The following MATN2 variants were observed in gnomAD, a reference collection of about 807,000 sequenced individuals.
MATN2 encodes matrilin-2.
MATN2 carries 69 observed loss-of-function variants against 103.2 expected under a neutral mutation model. That is an observed-to-expected ratio of 0.67 (90% CI 0.55 to 0.82). MATN2 has a LOEUF of 0.82. MATN2 is among the 40% of genes least tolerant of loss of function. MATN2 has a pLI of 0.00. For missense variants in MATN2, 1,023 were observed against 1,211.5 expected (o/e 0.84, Z 2.31); for synonymous variants, 429 against 450.2 (o/e 0.95, Z 0.60).
intron 2 of MATN2, among the ~76,000 whole-genome samples, chr8:97,907,574 G>C (rs1471788909): frequency 6.6e-6 from 1 of 151,124 alleles, no homozygotes. Flanking sequence ...CACCCGCCTC[G>C]GCCTCCCAAA....
At chr8:97,981,530 C>T (rs914198305) in intron 6 of MATN2, among the ~76,000 whole-genome samples, 2 of 151,828 alleles carry the variant, frequency 1.3e-5, no homozygotes, top group African/African-American at 4.9e-5. Flanking sequence ...GCCATAGCCA[C>T]ACTGAGTAGC....
chr8:98,009,782 G>A (rs2130395559), intron 10 of MATN2, among the ~76,000 whole-genome samples: 1 of 152,308 alleles, frequency 6.6e-6, no homozygotes, highest in South Asian at 2.1e-4. Context: ...CTGCAGCTGC[G>A]CAGACTCCTT....
intron 4 of MATN2, among the ~76,000 whole-genome samples, chr8:97,954,144 C>A (rs1048688169): frequency 6.6e-6 from 1 of 152,062 alleles, no homozygotes; most frequent in East Asian, 1.9e-4. Flanking sequence ...GCTCCAAAGT[C>A]GATATTCTTT....
intron 1 of MATN2, chr8:97,887,823 G>A: frequency 3.7e-6 from 1 of 271,212 alleles, no homozygotes; most frequent in Non-Finnish European, 6.8e-6. Context: ...TTTTTCTCAA[G>A]TTTTCCATTC....
chr8:98,032,318 G>A lies in MATN2; in HGVS notation c.2581+1G>A. 6.2e-7 allele frequency: 1 copy of A among 1,607,840 alleles called. No homozygotes were observed. Among genetic ancestry groups the A allele is most frequent in the Admixed American group, 1.7e-5 (1 of 59,034 alleles). On this transcript the variant is annotated splice_donor_variant, in intron 16 of 18. Coordinates refer to ENST00000254898, the MANE Select transcript of MATN2 (RefSeq NM_002380.5). LOFTEE classifies it high-confidence loss of function. Reference sequence around the variant, plus strand: ...CCAAAAACGGTCCAACAGCCAACAGGTACAGTTTTTAAGGCAGTGTTTTTA... The same window carrying A: ...CCAAAAACGGTCCAACAGCCAACAGATACAGTTTTTAAGGCAGTGTTTTTA...
intron 5 of MATN2, among the ~76,000 whole-genome samples, chr8:97,962,272 A>G (rs577668317): frequency 6.6e-6 from 1 of 152,366 alleles, no homozygotes; most frequent in Admixed American, 6.5e-5. Context: ...ACTGACATCA[A>G]AACTGGAATG....
In MATN2 at chr8:97,941,888, C is replaced by A. The variant is rs562944193; in HGVS notation, c.824C>A (p.Thr275Lys). 1.9e-6 allele frequency: 3 copies of A among 1,612,952 alleles called. No homozygotes were observed. Among genetic ancestry groups the A allele is most frequent in the Admixed American group, 3.3e-5 (2 of 59,966 alleles). ...GGCTACATTCTCAACTCGGATCAGA[C>A]GACTTGCAGAAGTAAGATTGCTTTG... The part of the protein sequence containing the change: ...KQGYILNSDQ[T>K]TCRIQDLCAM... Residue 275 changes from threonine to lysine, a missense_variant, in exon 4 of 19, where the codon ACG becomes AAG. Transcript: ENST00000254898.
At chr8:98,003,814 G>A (rs1812866785) in intron 8 of MATN2, 31 bp downstream of exon 8, 3 of 1,612,772 alleles carry the variant, frequency 1.9e-6, no homozygotes, top group Admixed American at 1.7e-5. Flanking sequence ...GGGTGCTGAT[G>A]GAAGGTGGGG....
intron 1 of MATN2, among the ~76,000 whole-genome samples, chr8:97,885,116 G>A (rs1818382266): frequency 6.6e-6 from 1 of 152,206 alleles, no homozygotes; most frequent in South Asian, 2.1e-4. Context: ...ATGCAATGAT[G>A]TTTGTTTTTT....
chr8:98,035,017 G>A (rs984902647), intron 18 of MATN2, among the ~76,000 whole-genome samples: 5 of 151,466 alleles, frequency 3.3e-5, no homozygotes, highest in Non-Finnish European at 7.4e-5. Flanking sequence ...TTAGGAGTTC[G>A]AGATCAGCCT....
intron 5 of MATN2, among the ~76,000 whole-genome samples, chr8:97,971,025 TAGGG>T: frequency 6.6e-6 from 1 of 152,000 alleles, no homozygotes. Flanking sequence ...AAACAGGAAT[TAGGG>T]AGGAGTATGG....
intron 6 of MATN2, among the ~76,000 whole-genome samples, chr8:97,986,936 C>A (rs1054758570): frequency 6.6e-6 from 1 of 152,034 alleles, no homozygotes; most frequent in Non-Finnish European, 1.5e-5. Context: ...GGGTTCACGC[C>A]ATTCTCCTGC....
intron 10 of MATN2, among the ~76,000 whole-genome samples, chr8:98,008,145 C>T (rs1813036447): frequency 6.6e-6 from 1 of 151,988 alleles, no homozygotes; most frequent in Non-Finnish European, 1.5e-5. Flanking sequence ...CTTTCTGACC[C>T]CGGTGATCTC....
intron 2 of MATN2, among the ~76,000 whole-genome samples, chr8:97,924,426 C>T (rs1318620025): frequency 3.9e-5 from 6 of 152,128 alleles, no homozygotes; most frequent in East Asian, 1.9e-4. Flanking sequence ...ACCATCTGCT[C>T]GTGGGAACTT....
intron 2 of MATN2, among the ~76,000 whole-genome samples, chr8:97,901,136 C>T (rs1818966268): frequency 1.3e-5 from 2 of 152,146 alleles, no homozygotes; most frequent in African/African-American, 4.8e-5. Flanking sequence ...CGAAGCAGGC[C>T]TCTCCATTCT....
intron 2 of MATN2, among the ~76,000 whole-genome samples, chr8:97,895,645 A>G (rs1246882974): frequency 6.6e-6 from 1 of 152,146 alleles, no homozygotes; most frequent in Admixed American, 6.5e-5. Context: ...TCATTTTACT[A>G]CTAGACTGTC....
intron 6 of MATN2, among the ~76,000 whole-genome samples, chr8:97,992,232 C>T (rs1486239660): frequency 6.6e-6 from 1 of 152,138 alleles, no homozygotes; most frequent in East Asian, 1.9e-4. Flanking sequence ...CAAGTAATCA[C>T]AGGAATGGGG....
chr8:97,976,955 A>G (rs1378804316), intron 5 of MATN2, among the ~76,000 whole-genome samples: 1 of 152,072 alleles, frequency 6.6e-6, no homozygotes, highest in Admixed American at 6.6e-5. Flanking sequence ...CTCTGTGGCC[A>G]GGCACGGTGG....
chr8:97,902,388 T>C (rs1819015729), intron 2 of MATN2, among the ~76,000 whole-genome samples: 1 of 150,578 alleles, frequency 6.6e-6, no homozygotes, highest in Non-Finnish European at 1.5e-5. Flanking sequence ...TCCCAGCTAC[T>C]TGGGAGGCTG....
Sources: allele counts gnomAD v4.1 joint callset (sites outside exome capture counted in the v4.1 genomes callset), GRCh38; gene constraint gnomAD v4.1.1; transcripts MANE v1.5; gene names NCBI Gene and HGNC (gene_info 2026-07-23, HGNC 2026-07-21).